The following RBPJL variants were observed in gnomAD, a reference collection of about 807,000 sequenced individuals.
RBPJL encodes the protein recombining binding protein suppressor of hairless-like protein.
Under a neutral mutation model 57.6 loss-of-function variants are expected in RBPJL, and 50 were observed. The ratio of observed to expected loss-of-function variants is 0.87; its 90% CI spans 0.69 to 1.10. The LOEUF (loss-of-function observed/expected upper bound fraction) is 1.10, where lower values mean the gene tolerates loss of function less well. Ranked by LOEUF, RBPJL falls within the 50% of genes least tolerant of loss-of-function variation. The pLI is 0.00. For missense variants in RBPJL, 684 were observed against 693.7 expected (o/e 0.99, Z 0.16); for synonymous variants, 303 against 294.4 (o/e 1.03, Z -0.30).
chr20:45,312,135 G>C (rs1211253486), intron 5 of RBPJL, 86 bp from the exon 6 acceptor site: 1 of 1,592,906 alleles, frequency 6.3e-7, no homozygotes, highest in African/African-American at 1.3e-5. Context: ...CCTCCGACGG[G>C]GCGGACGTCC....
intron 6 of RBPJL, 85 bp downstream of exon 6, chr20:45,312,480 G>A: frequency 7.2e-7 from 1 of 1,384,768 alleles, no homozygotes; most frequent in Non-Finnish European, 9.8e-7. Context: ...CGGAGGTGGG[G>A]GTAGGCTGGG....
chr20:45,315,094 A>G (rs1987386537), intron 9 of RBPJL, among the ~76,000 whole-genome samples: 2 of 152,202 alleles, frequency 1.3e-5, no homozygotes, highest in African/African-American at 4.8e-5. Flanking sequence ...AAAAAAAGTA[A>G]GTAAATAAAT....
At position 45,316,473 on chromosome 20, in the gene RBPJL, C is replaced by T; in HGVS notation, c.1177-4C>T. ...TCACCTCACCTGGTCCCACCCTCCCCCAGCTGAGCGGCGGGGGCGACGTGG... is the reference window on the plus strand; with the variant it reads ...TCACCTCACCTGGTCCCACCCTCCCTCAGCTGAGCGGCGGGGGCGACGTGG... On this transcript the variant is annotated splice_region_variant and splice_polypyrimidine_tract_variant and intron_variant, in intron 10 of 11. Transcript: ENST00000343694. The T allele has an allele frequency of 6.5e-7, 1 of 1,549,366 alleles. No homozygotes were observed. The highest frequency in any genetic ancestry group is 8.7e-7 in the Non-Finnish European group (1 of 1,146,692).
In RBPJL at chr20:45,317,741, C is replaced by A. The variant is rs1000519809; in HGVS notation, c.*782C>A. 1 of 152,536 alleles carries A rather than the reference C, an allele frequency of 6.6e-6. No individual in the cohort carries two copies. 9.4% of individuals were successfully genotyped at this position (152,536 alleles called of 1,614,324 possible). A position where few individuals can be genotyped will look rare whatever the true frequency, so the allele number is the denominator to read the frequency against. The stretch of plus-strand genomic sequence containing the variant: ...GGTCTTGCCGCCTTAACTGTCCCCC[C>A]CAGTCACTTCTCCCACAGGCCCAGC... On this transcript the variant is annotated 3_prime_UTR_variant, in exon 12 of 12. Transcript: ENST00000343694.
intron 2 of RBPJL, chr20:45,308,560 G>C: frequency 2.4e-6 from 1 of 409,654 alleles, no homozygotes; most frequent in Admixed American, 3.6e-5. Flanking sequence ...AAGCTTAGAA[G>C]GCACTTCCCT....
At chr20:45,310,381 C>A (rs916472029) in intron 3 of RBPJL, among the ~76,000 whole-genome samples, 1 of 151,954 alleles carries the variant, frequency 6.6e-6, no homozygotes, top group Non-Finnish European at 1.5e-5. Flanking sequence ...CCGAGGCGGG[C>A]GGATCACCTG....
At chr20:45,314,991 G>A (rs1041205165) in intron 9 of RBPJL, among the ~76,000 whole-genome samples, 3 of 152,198 alleles carry the variant, frequency 2.0e-5, no homozygotes, top group African/African-American at 7.2e-5. Flanking sequence ...GCTGAGGCAG[G>A]AGAATTGCTT....
intron 8 of RBPJL, 82 bp from the exon 9 acceptor site, chr20:45,314,331 G>A (rs1987348288): frequency 2.0e-6 from 3 of 1,485,576 alleles, no homozygotes; most frequent in South Asian, 1.2e-5. Context: ...GGCTATTGGA[G>A]TAGCAGACAG....
intron 6 of RBPJL, 146 bp from the exon 7 acceptor site, chr20:45,313,322 C>T (rs548627834): frequency 8.4e-5 from 47 of 562,544 alleles, no homozygotes; most frequent in African/African-American, 8.0e-4. Flanking sequence ...TACCCTCACC[C>T]TCACTCTAAC....
chr20:45,316,626 G>A (rs912599999), intron 11 of RBPJL, 46 bp downstream of exon 11: 3 of 1,523,998 alleles, frequency 2.0e-6, no homozygotes, highest in Admixed American at 4.2e-5. Flanking sequence ...GGGAGCAGGG[G>A]AAGGGGGTGC....
intron 6 of RBPJL, 84 bp downstream of exon 6, chr20:45,312,479 G>C: frequency 2.2e-6 from 3 of 1,385,292 alleles, no homozygotes; most frequent in Non-Finnish European, 2.0e-6. Context: ...GCGGAGGTGG[G>C]GGTAGGCTGG....
intron 6 of RBPJL, 127 bp from the exon 7 acceptor site, chr20:45,313,341 T>A: frequency 1.5e-6 from 1 of 662,798 alleles, no homozygotes; most frequent in Admixed American, 3.1e-5. Context: ...ACCCTCACCC[T>A]AATCCTAACC....
At chr20:45,307,191 G>A (rs528595302) in intron 1 of RBPJL, among the ~76,000 whole-genome samples, 219 of 152,192 alleles carry the variant, frequency 1.4e-3, no homozygotes, top group African/African-American at 5.0e-3. Flanking sequence ...GCCCCATGCT[G>A]AAGCTGTGTT....
At position 45,311,600 on chromosome 20, in the gene RBPJL, C is replaced by T. The variant is rs1288473516; in HGVS notation, c.269C>T (p.Pro90Leu). Reference protein sequence around the residue: ...SYGNEKRFFCPPPCVYLSGPG... With the variant: ...SYGNEKRFFCLPPCVYLSGPG... ...ACTTATCTCCGCAGGTTCTTCTGCC[C>T]CCCGCCCTGTGTCTACCTCTCGGGG... Residue 90 changes from proline to leucine, a missense_variant, in exon 4 of 12, where the codon CCC becomes CTC. Transcript: ENST00000343694. 22 of 1,614,080 alleles carry T rather than the reference C, an allele frequency of 1.4e-5. No individual in the cohort carries two copies. The East Asian group carries it at 4.9e-4, about 36-fold the overall frequency.
In RBPJL at chr20:45,308,154, C is replaced by A. The variant is rs766056406; in HGVS notation, c.34C>A (p.Pro12Thr). 1.9e-6 allele frequency: 3 copies of A among 1,613,084 alleles called. No homozygotes were observed. In the South Asian group the frequency reaches 3.3e-5, roughly 18 times the overall value. The change falls in exon 2 of 12, where the codon CCT becomes ACT. Residue 12 changes from proline (P) to threonine (T), a missense_variant. By Grantham distance (38) the Pro-to-Thr change is conservative. Coordinates refer to ENST00000343694, the MANE Select transcript of RBPJL (RefSeq NM_014276.4). The part of the protein sequence containing the change: ...DPAGAADPSV[P>T]PNPLTHLSLQ... ...CTACTCCCCTGCAGACCCCTCAGTG[C>A]CTCCCAATCCTTTGACTCACCTGAG... is the stretch of plus-strand genomic sequence containing the variant.
At position 45,316,258 on chromosome 20, in the gene RBPJL, C is replaced by T. The variant is rs777826574; in HGVS notation, c.1092C>T (p.Thr364=). The T allele has an allele frequency of 5.0e-6, 8 of 1,614,104 alleles. No homozygotes were observed. In the Admixed American group the frequency reaches 1.2e-4, roughly 24 times the overall value. The change falls in exon 10 of 12, where the codon ACC becomes ACT. Residue 364 remains threonine (T), a synonymous_variant. Coordinates refer to ENST00000343694, the MANE Select transcript of RBPJL (RefSeq NM_014276.4). ...NDSSCWTIIG[T]ESVEFSFSTS... Reference sequence around the variant, plus strand: ...GCTCTTGCTGGACCATCATCGGCACCGAGTCGGTGGAATTTTCCTTCAGCA... The same window carrying T: ...GCTCTTGCTGGACCATCATCGGCACTGAGTCGGTGGAATTTTCCTTCAGCA...
intron 3 of RBPJL, among the ~76,000 whole-genome samples, 187 bp from the exon 4 acceptor site, chr20:45,311,402 A>G (rs1370018490): frequency 1.3e-5 from 2 of 152,104 alleles, no homozygotes; most frequent in African/African-American, 2.4e-5. Context: ...CCTTCTGATG[A>G]GTTGAATGAG....
At position 45,316,688 on chromosome 20, in the gene RBPJL, G is replaced by T. The variant is rs377528118; in HGVS notation, c.1283G>T (p.Ser428Ile). The T allele has an allele frequency of 5.0e-6, 8 of 1,596,232 alleles. No individual in the cohort carries two copies. The African/African-American group carries it at 6.7e-5, about 13-fold the overall frequency. ...TCACCCTGGTGCTCCACCCCCAGGA[G>T]CCCGCGGTCCCTGGTGTGCGTGGTG... ...GDVEAETMYR[S>I]PRSLVCVVPD... The change falls in exon 12 of 12, where the codon AGC becomes ATC. Residue 428 changes from serine to isoleucine, a missense_variant and splice_region_variant. Physicochemically the swap from Ser to Ile is moderately radical, Grantham distance 142. Transcript: ENST00000343694.
intron 2 of RBPJL, 71 bp downstream of exon 2, chr20:45,308,322 G>A (rs951578889): frequency 7.7e-6 from 8 of 1,041,344 alleles, no homozygotes; most frequent in East Asian, 7.2e-5. Context: ...GGCAACGGCC[G>A]CATTTAACCC....
Sources: allele counts gnomAD v4.1 joint callset (sites outside exome capture counted in the v4.1 genomes callset), GRCh38; gene constraint gnomAD v4.1.1; transcripts MANE v1.5; gene names NCBI Gene and HGNC (gene_info 2026-07-23, HGNC 2026-07-21).